Variants in SLC4A8 observed in about 807,000 individuals in gnomAD.
The protein encoded by SLC4A8 is electroneutral sodium bicarbonate exchanger 1.
SLC4A8 carries 40 observed loss-of-function variants against 125.0 expected under a neutral mutation model. The ratio of observed to expected loss-of-function variants is 0.32; its 90% CI spans 0.25 to 0.42. The LOEUF is 0.42. SLC4A8 is among the 10% of genes least tolerant of loss of function. The probability of loss-of-function intolerance (pLI) is 1.00; values close to 1 mark genes in which losing one functional copy is unlikely to be tolerated. For missense variants in SLC4A8, 863 were observed against 1,355.1 expected (o/e 0.64, Z 5.70); for synonymous variants, 456 against 476.0 (o/e 0.96, Z 0.55).
intron 1 of SLC4A8, among the ~76,000 whole-genome samples, chr12:51,418,464 A>G (rs1948727711): frequency 6.6e-6 from 1 of 152,200 alleles, no homozygotes; most frequent in Non-Finnish European, 1.5e-5. Flanking sequence ...GTCTACCCCA[A>G]ACAAAGCTGA....
chr12:51,491,982 A>G (rs1465369078), intron 19 of SLC4A8, among the ~76,000 whole-genome samples: 1 of 152,182 alleles, frequency 6.6e-6, no homozygotes, highest in Non-Finnish European at 1.5e-5. Context: ...AGTGAATAGG[A>G]GATAAGGAAG....
At chr12:51,457,240 G>C (rs1950177019) in intron 5 of SLC4A8, 111 bp from the exon 6 acceptor site, 3 of 747,992 alleles carry the variant, frequency 4.0e-6, no homozygotes, top group Non-Finnish European at 6.5e-6. Context: ...AATGACCCTA[G>C]TGGAGCTGCT....
chr12:51,399,906 T>C (rs1047433136), intron 1 of SLC4A8, among the ~76,000 whole-genome samples: 8 of 150,254 alleles, frequency 5.3e-5, no homozygotes, highest in African/African-American at 2.0e-4. Context: ...CGCTTGAACC[T>C]GGGAGGTGGA....
At position 51,451,018 on chromosome 12, in the gene SLC4A8, C is replaced by T. The variant is rs1049192192; in HGVS notation, c.273C>T (p.Ala91=). 1 of 1,516,068 alleles carries T rather than the reference C, an allele frequency of 6.6e-7. No homozygotes were observed. Among genetic ancestry groups the T allele is most frequent in the Non-Finnish European group, 8.8e-7 (1 of 1,130,314 alleles). 93.9% of individuals were successfully genotyped at this position (1,516,068 alleles called of 1,614,324 possible). ...GGGAGGAAGGCCTGGAAGCCCTGGC[C>T]CACGGTAAGGGCCTTGGGAGACAGG... ...SQGEEGLEAL[A]HDTPSQRVQF... is the part of the protein sequence containing the mutation. Residue 91 remains alanine, a synonymous_variant, in exon 3 of 25, where the codon GCC becomes GCT. Transcript: ENST00000453097.
chr12:51,453,809 C>A, intron 5 of SLC4A8, 110 bp downstream of exon 5: 32 of 873,354 alleles, frequency 3.7e-5, no homozygotes, highest in East Asian at 2.2e-4. Flanking sequence ...TGTCCTTGGG[C>A]AAGCCACAAC....
intron 16 of SLC4A8, among the ~76,000 whole-genome samples, chr12:51,476,906 CTT>C (rs67928969): frequency 2.7e-4 from 32 of 118,532 alleles, no homozygotes; most frequent in South Asian, 1.4e-3. Flanking sequence ...TTTTTCTTTT[CTT>C]TTTTTTTTTT....
chr12:51,501,814 G>A (rs953896115), intron 22 of SLC4A8: 7 of 152,162 alleles, frequency 4.6e-5, no homozygotes, highest in African/African-American at 1.7e-4. Flanking sequence ...CCATGCCAAA[G>A]TCTGTTATTT....
chr12:51,496,240 T>C (rs1412962831), intron 21 of SLC4A8, among the ~76,000 whole-genome samples: 1 of 152,246 alleles, frequency 6.6e-6, no homozygotes, highest in African/African-American at 2.4e-5. Context: ...TTGAATTTAA[T>C]AAGCCTGATT....
intron 19 of SLC4A8, among the ~76,000 whole-genome samples, 194 bp from the exon 20 acceptor site, chr12:51,493,510 A>G (rs1291433537): frequency 6.6e-6 from 1 of 152,122 alleles, no homozygotes; most frequent in Non-Finnish European, 1.5e-5. Flanking sequence ...TCAGAACCAA[A>G]TGATTTTTAT....
At chr12:51,489,999 G>A (rs1951266999) in intron 19 of SLC4A8, 48 bp downstream of exon 19, 1 of 1,581,660 alleles carries the variant, frequency 6.3e-7, no homozygotes, top group Admixed American at 1.7e-5. Flanking sequence ...CCTGATTTGT[G>A]CCAGGAATCC....
chr12:51,424,031 C>A (rs781332454), upstream of SLC4A8, among the ~76,000 whole-genome samples: 4 of 84,162 alleles, frequency 4.8e-5, no homozygotes, highest in Non-Finnish European at 6.5e-5. Flanking sequence ...AGTGAAACTT[C>A]GTCTCCAAAA....
At chr12:51,392,403 C>G (rs1294789868) in intron 1 of SLC4A8, among the ~76,000 whole-genome samples, 1 of 151,664 alleles carries the variant, frequency 6.6e-6, no homozygotes, top group Non-Finnish European at 1.5e-5. Flanking sequence ...GAAACCCCGT[C>G]TCTACTAAAA....
intron 16 of SLC4A8, among the ~76,000 whole-genome samples, chr12:51,477,490 A>G (rs935304597): frequency 1.3e-5 from 2 of 152,238 alleles, no homozygotes; most frequent in African/African-American, 4.8e-5. Flanking sequence ...GGTTTGTGAT[A>G]TTTGGTGGTA....
At chr12:51,424,770 C>G, upstream of SLC4A8, 1 of 536,930 alleles carries the variant, frequency 1.9e-6, no homozygotes, top group Non-Finnish European at 3.3e-6. Context: ...AGCGTCCTCC[C>G]GTGCTCCGCG....
At chr12:51,492,853 C>A (rs892345808) in intron 19 of SLC4A8, among the ~76,000 whole-genome samples, 6 of 151,958 alleles carry the variant, frequency 3.9e-5, no homozygotes, top group African/African-American at 1.4e-4. Context: ...CCCCCACCCC[C>A]CAACAGGCCC....
rs779200968 is a variant in SLC4A8 at position 51,509,180 on chromosome 12, T to C, written c.*1742T>C. 1 of 152,682 alleles carries C rather than the reference T, an allele frequency of 6.5e-6. No homozygotes were observed. The highest frequency in any genetic ancestry group is 1.5e-5 in the Non-Finnish European group (1 of 68,048). The allele number at this position is 152,682 out of a possible 1,614,324, so 9.5% of individuals were successfully genotyped here. ...ATGCTACTTTCAGATATTAAAATGG[T>C]GTTCCTTTGAATCGTGGGTATTGTT... On this transcript the variant is annotated 3_prime_UTR_variant, in exon 25 of 25. Coordinates refer to ENST00000453097, the MANE Select transcript of SLC4A8 (RefSeq NM_001039960.3).
chr12:51,413,347 T>G (rs1948627311), intron 1 of SLC4A8, among the ~76,000 whole-genome samples: 1 of 152,254 alleles, frequency 6.6e-6, no homozygotes, highest in Non-Finnish European at 1.5e-5. Context: ...GCAAATAATT[T>G]CTCTCATTCT....
intron 16 of SLC4A8, among the ~76,000 whole-genome samples, chr12:51,485,448 G>C (rs1037330384): frequency 6.6e-6 from 1 of 152,096 alleles, no homozygotes; most frequent in Non-Finnish European, 1.5e-5. Flanking sequence ...CTGCTGCTGA[G>C]GTTTTTGGCT....
intron 11 of SLC4A8, among the ~76,000 whole-genome samples, chr12:51,466,852 A>T (rs1181137001): frequency 1.3e-5 from 2 of 152,164 alleles, no homozygotes. Context: ...TCCATTTCAC[A>T]TAAATCTTTT....
Sources: allele counts gnomAD v4.1 joint callset (sites outside exome capture counted in the v4.1 genomes callset), GRCh38; gene constraint gnomAD v4.1.1; transcripts MANE v1.5; gene names NCBI Gene and HGNC (gene_info 2026-07-23, HGNC 2026-07-21).